The following RBCK1 variants were observed in gnomAD, a reference collection of about 807,000 sequenced individuals.
RBCK1 encodes ranBP-type and C3HC4-type zinc finger-containing protein 1.
A neutral mutation model predicts 71.1 loss-of-function variants in RBCK1; 44 were observed. The ratio of observed to expected loss-of-function variants is 0.62; its 90% CI spans 0.49 to 0.80. The LOEUF is 0.80. Ranked by LOEUF, RBCK1 falls within the 30% of genes least tolerant of loss-of-function variation. The probability of loss-of-function intolerance (pLI) is 0.00; values close to 1 mark genes in which losing one functional copy is unlikely to be tolerated. For synonymous variants in RBCK1, 306 were observed against 279.7 expected (o/e 1.09, Z -0.94); for missense variants, 569 against 685.0 (o/e 0.83, Z 1.89).
intron 6 of RBCK1, 41 bp from the exon 7 acceptor site, chr20:420,830 G>A (rs1404295723): frequency 1.5e-5 from 21 of 1,444,570 alleles, no homozygotes; most frequent in South Asian, 2.5e-5. Flanking sequence ...ACCCGCCCCC[G>A]AGGCCCTGAC....
chr20:414,654 C>G (rs759312313), intron 2 of RBCK1, among the ~76,000 whole-genome samples: 77 of 152,092 alleles, frequency 5.1e-4, no homozygotes, highest in Non-Finnish European at 9.0e-4. Flanking sequence ...TGCTTTGCCT[C>G]TAGGTTGATT....
intron 2 of RBCK1, among the ~76,000 whole-genome samples, chr20:411,255 G>A (rs184115019): frequency 6.6e-6 from 1 of 151,874 alleles, no homozygotes; most frequent in African/African-American, 2.4e-5. Flanking sequence ...CTAGGTTGAA[G>A]TGCAGTGGTG....
chr20:419,458 A>C lies in RBCK1; in HGVS notation c.572A>C (p.Glu191Ala). The C allele has an allele frequency of 6.2e-7, 1 of 1,607,132 alleles. No homozygotes were observed. The highest frequency in any genetic ancestry group is 8.5e-7 in the Non-Finnish European group (1 of 1,177,004). Residue 191 changes from glutamate (E) to alanine (A), a missense_variant, in exon 5 of 12, where the codon GAG becomes GCG. Transcript: ENST00000356286. Reference protein sequence around the residue: ...PGRGQPDAVPEPPPVGWQCPG... With the variant: ...PGRGQPDAVPAPPPVGWQCPG... ...CGGGGGCAGCCAGATGCAGTGCCTG[A>C]GCCCCCACCGGTAAGCTGTCCTTGG... is the stretch of plus-strand genomic sequence containing the variant.
Position 408,592 on chromosome 20 carries a change from C to T in RBCK1, c.-166C>T, listed in dbSNP as rs2015508029. On this transcript the variant is annotated 5_prime_UTR_variant, in exon 1 of 12. Coordinates refer to ENST00000356286, the MANE Select transcript of RBCK1 (RefSeq NM_031229.4). ...CTGGTCACCGGGCAGTGTGATGCTTCCCGACTGCCGCGGGGACAGCGAGGC... is the reference window on the plus strand; with the variant it reads ...CTGGTCACCGGGCAGTGTGATGCTTTCCGACTGCCGCGGGGACAGCGAGGC... The T allele has an allele frequency of 1.2e-5, 10 of 846,922 alleles. No individual in the cohort carries two copies. The Admixed American group carries it at 2.1e-4, about 18-fold the overall frequency. The allele number at this position is 846,922 out of a possible 1,614,324, so 52.5% of individuals were successfully genotyped here. A position where few individuals can be genotyped will look rare whatever the true frequency, so the allele number is the denominator to read the frequency against.
intron 2 of RBCK1, among the ~76,000 whole-genome samples, chr20:412,323 ATCTTT>A (rs1483608739): frequency 6.8e-6 from 1 of 147,172 alleles, no homozygotes; most frequent in Non-Finnish European, 1.5e-5. Flanking sequence ...AATTGGGTTT[ATCTTT>A]TTTTTTTTTT....
chr20:410,309 G>A (rs1318197413), intron 2 of RBCK1: 10 of 689,558 alleles, frequency 1.5e-5, no homozygotes, highest in East Asian at 2.6e-5. Flanking sequence ...GAACAGTGAC[G>A]TAAACAAATT....
intron 11 of RBCK1, among the ~76,000 whole-genome samples, chr20:429,846 C>T (rs868373587): frequency 2.0e-5 from 3 of 152,342 alleles, no homozygotes; most frequent in Middle Eastern, 3.4e-3. Flanking sequence ...TGTGATTAGG[C>T]TGCCTGCCAC....
In RBCK1 at chr20:431,778, G is replaced by A. The variant is rs1412323660; in HGVS notation, c.*1348G>A. Among the ~76,000 whole-genome samples, 3 of 152,214 alleles carry A rather than the reference G, an allele frequency of 2.0e-5. No homozygotes were observed. The highest frequency in any genetic ancestry group is 6.5e-5 in the Admixed American group (1 of 15,282). On this transcript the variant is annotated 3_prime_UTR_variant, in exon 12 of 12. Coordinates refer to ENST00000356286, the MANE Select transcript of RBCK1 (RefSeq NM_031229.4). The surrounding 1 kb of genome is among the most constrained non-coding windows in gnomAD (Gnocchi z 4.8). Reference sequence around the variant, plus strand: ...CATTGGCTCAGGGCAGTCAACCGTCGCAGAGGATGAGGGGCACACTCAGGC... The same window carrying A: ...CATTGGCTCAGGGCAGTCAACCGTCACAGAGGATGAGGGGCACACTCAGGC...
chr20:411,257 G>A (rs2015688690), intron 2 of RBCK1, among the ~76,000 whole-genome samples: 1 of 151,576 alleles, frequency 6.6e-6, no homozygotes, highest in Admixed American at 6.6e-5. Context: ...AGGTTGAAGT[G>A]CAGTGGTGCC....
rs67707964 is a variant in RBCK1 at position 417,395 on chromosome 20, TTGTGTG to T, written c.168-108_168-103del. On this transcript the variant is annotated intron_variant, in intron 2 of 11. Transcript: ENST00000356286. This position sits in a 1 kb window ranked among gnomAD's most constrained non-coding sequence, Gnocchi z 4.7. Reference sequence around the variant, plus strand: ...GGTGGGGCCTACCCCAGACTGGGGTTTGTGTGTGTGTGTGTGTGTGTGTGTGTGCAT... The same window carrying T: ...GGTGGGGCCTACCCCAGACTGGGGTTTGTGTGTGTGTGTGTGTGTGTGCAT... The T allele has an allele frequency of 4.1e-4, 312 of 764,736 alleles. No homozygotes were observed. Among genetic ancestry groups the T allele is most frequent in the East Asian group, 6.8e-4 (25 of 36,734 alleles). 47.4% of individuals were successfully genotyped at this position (764,736 alleles called of 1,614,324 possible). A position where few individuals can be genotyped will look rare whatever the true frequency, so the allele number is the denominator to read the frequency against.
rs1226438724 is a variant in RBCK1 at position 420,898 on chromosome 20, T to C, written c.784T>C (p.Tyr262His). ...QRKQQQQEGNYLQHVQLDQRS... is the reference protein window; with the variant it reads ...QRKQQQQEGNHLQHVQLDQRS... ...GAAGCAGCAGCAGCAGGAGGGGAACTACCTGCAGCACGTCCAGCTGGACCA... is the reference window on the plus strand; with the variant it reads ...GAAGCAGCAGCAGCAGGAGGGGAACCACCTGCAGCACGTCCAGCTGGACCA... Residue 262 changes from tyrosine to histidine, a missense_variant, in exon 7 of 12, where the codon TAC becomes CAC. Coordinates refer to ENST00000356286, the MANE Select transcript of RBCK1 (RefSeq NM_031229.4). 6.4e-7 allele frequency: 1 copy of C among 1,550,406 alleles called. No homozygotes were observed. The highest frequency in any genetic ancestry group is 8.7e-7 in the Non-Finnish European group (1 of 1,149,548).
chr20:417,598 A>G lies in RBCK1; in HGVS notation c.240A>G (p.Thr80=), dbSNP rs2016072675. 1.2e-6 allele frequency: 2 copies of G among 1,613,952 alleles called. No homozygotes were observed. The highest frequency in any genetic ancestry group is 1.7e-6 in the Non-Finnish European group (2 of 1,179,954). Residue 80 remains threonine (T), a synonymous_variant, in exon 3 of 12, where the codon ACA becomes ACG. Coordinates refer to ENST00000356286, the MANE Select transcript of RBCK1 (RefSeq NM_031229.4). This position sits in a 1 kb window ranked among gnomAD's most constrained non-coding sequence, Gnocchi z 4.7. ...GGCTCACAGTGCGCCCTGATATGAC[A>G]GTGGCGTCTCTCAAGGACATGGTGA... is the stretch of plus-strand genomic sequence containing the variant. ...TIWLTVRPDM[T]VASLKDMVFL...
chr20:414,091 C>CA (rs11481454), intron 2 of RBCK1, among the ~76,000 whole-genome samples: 56,739 of 139,566 alleles, frequency 0.41, 11,854 homozygotes, highest in Non-Finnish European at 0.49. Flanking sequence ...GTGGTTCATA[C>CA]AAAAAAAAAA....
In RBCK1 at chr20:431,871, A is replaced by AGAG. The variant is rs1397692213; in HGVS notation, c.*1445_*1447dup. On this transcript the variant is annotated 3_prime_UTR_variant, in exon 12 of 12. Coordinates refer to ENST00000356286, the MANE Select transcript of RBCK1 (RefSeq NM_031229.4). The surrounding 1 kb of genome is among the most constrained non-coding windows in gnomAD (Gnocchi z 4.8). Reference sequence around the variant, plus strand: ...CTGACTGGGAGGAAACAGAAAAAGCAGAGGAGAGCCAGGCTGCAGGCGTGT... The same window carrying AGAG: ...CTGACTGGGAGGAAACAGAAAAAGCAGAGGAGGAGAGCCAGGCTGCAGGCGTGT... Among the ~76,000 whole-genome samples the AGAG allele has an allele frequency of 6.6e-6, 1 of 152,204 alleles. No individual in the cohort carries two copies. The highest frequency in any genetic ancestry group is 2.4e-5 in the African/African-American group (1 of 41,458).
intron 5 of RBCK1, 21 bp from the exon 6 acceptor site, chr20:419,537 C>A: frequency 6.2e-7 from 1 of 1,606,758 alleles, no homozygotes; most frequent in Non-Finnish European, 8.5e-7. Context: ...CAGTCGGGCT[C>A]ACAGCACCCT....
intron 1 of RBCK1, 73 bp from the exon 2 acceptor site, chr20:409,808 T>C (rs2015592907): frequency 6.4e-7 from 1 of 1,553,464 alleles, no homozygotes; most frequent in African/African-American, 1.4e-5. Flanking sequence ...GATCGCCTCC[T>C]TTCCTACCCC....
Position 428,182 on chromosome 20 carries a change from G to T in RBCK1, c.1210-309G>T, listed in dbSNP as rs757282936. Among the ~76,000 whole-genome samples, 37 of 152,214 alleles carry T rather than the reference G, an allele frequency of 2.4e-4. No homozygotes were observed. The highest frequency in any genetic ancestry group is 6.2e-4 in the South Asian group (3 of 4,828). On this transcript the variant is annotated intron_variant, in intron 9 of 11. Coordinates refer to ENST00000356286, the MANE Select transcript of RBCK1 (RefSeq NM_031229.4). This position sits in a 1 kb window ranked among gnomAD's most constrained non-coding sequence, Gnocchi z 5.7. ...TTAGGGATGCAGGGTCTCACCCTAGGGGTATAAGGGATTTCTGTGCCCATC... is the reference window on the plus strand; with the variant it reads ...TTAGGGATGCAGGGTCTCACCCTAGTGGTATAAGGGATTTCTGTGCCCATC...
At chr20:413,437 T>C (rs1271529838) in intron 2 of RBCK1, among the ~76,000 whole-genome samples, 1 of 152,230 alleles carries the variant, frequency 6.6e-6, no homozygotes, top group African/African-American at 2.4e-5. Context: ...AGACAGTACC[T>C]GTGTACTCCT....
At chr20:421,127 C>T in intron 7 of RBCK1, 96 bp downstream of exon 7, 1 of 1,385,330 alleles carries the variant, frequency 7.2e-7, no homozygotes, top group South Asian at 1.5e-5. Context: ...TCTGATACCT[C>T]ATTGGACGCC....
Sources: allele counts gnomAD v4.1 joint callset (sites outside exome capture counted in the v4.1 genomes callset), GRCh38; gene constraint gnomAD v4.1.1; non-coding constraint Gnocchi (gnomAD v3.1); transcripts MANE v1.5; gene names NCBI Gene and HGNC (gene_info 2026-07-23, HGNC 2026-07-21).